BTBD8: variants seen among roughly 807,000 people sequenced by gnomAD.
BTBD8 encodes BTB/POZ domain-containing protein 8.
A neutral mutation model predicts 162.9 loss-of-function variants in BTBD8; 110 were observed. The ratio of observed to expected loss-of-function variants is 0.68; its 90% confidence interval spans 0.58 to 0.79. The LOEUF is 0.79. Ranked by LOEUF, BTBD8 falls within the 30% of genes least tolerant of loss-of-function variation. BTBD8 has a pLI of 0.00. For synonymous variants in BTBD8, 667 were observed against 716.1 expected (o/e 0.93, Z 1.10); for missense variants, 1,905 against 2,085.4 (o/e 0.91, Z 1.68).
intron 16 of BTBD8, among the ~76,000 whole-genome samples, chr1:92,178,860 C>T (rs1468926756): frequency 6.6e-6 from 1 of 152,220 alleles, no homozygotes; most frequent in South Asian, 2.1e-4. Flanking sequence ...CATTTCTGGT[C>T]CTTTTAAATA....
chr1:92,141,254 A>G, intron 7 of BTBD8, 43 bp downstream of exon 7: 2 of 1,530,846 alleles, frequency 1.3e-6, no homozygotes, highest in Non-Finnish European at 1.8e-6. Flanking sequence ...GTGCATTGTC[A>G]CCCATTATTA....
intron 6 of BTBD8, 168 bp downstream of exon 6, chr1:92,139,598 T>G (rs1649718980): frequency 2.4e-6 from 3 of 1,253,710 alleles, no homozygotes; most frequent in Non-Finnish European, 3.0e-6. Flanking sequence ...ATCATCTTAT[T>G]TAGAAGAAAA....
chr1:92,178,203 A>G, intron 15 of BTBD8, 109 bp from the exon 16 acceptor site: 2 of 821,418 alleles, frequency 2.4e-6, no homozygotes, highest in Non-Finnish European at 3.8e-6. Flanking sequence ...TATTTTCAGG[A>G]GAGATGTATT....
In BTBD8 at chr1:92,080,380, C is replaced by T; in HGVS notation, c.-192C>T. 2 of 752,900 alleles carry T rather than the reference C, an allele frequency of 2.7e-6. No individual in the cohort carries two copies. Among genetic ancestry groups the T allele is most frequent in the Non-Finnish European group, 4.1e-6 (2 of 489,784 alleles). The allele number at this position is 752,900 out of a possible 1,614,324, so 46.6% of individuals were successfully genotyped here. On this transcript the variant is annotated 5_prime_UTR_variant, in exon 1 of 18. Transcript: ENST00000636805. Reference sequence around the variant, plus strand: ...CAAGAGCCGGCTCGGTTCTGGGATTCTGAGGCTCCCCACCGCGGTCCGGCT... The same window carrying T: ...CAAGAGCCGGCTCGGTTCTGGGATTTTGAGGCTCCCCACCGCGGTCCGGCT...
Position 92,180,509 on chromosome 1 carries a change from T to G in BTBD8, c.2826T>G (p.Pro942=). The G allele has an allele frequency of 1.3e-6, 2 of 1,551,430 alleles. No individual in the cohort carries two copies. Among genetic ancestry groups the G allele is most frequent in the Non-Finnish European group, 1.7e-6 (2 of 1,146,902 alleles). The part of the protein sequence containing the change: ...LNNKDSKQKM[P]PGQVISKTQP... ...ATAAAGATTCAAAACAGAAAATGCC[T>G]CCTGGACAGGTTATATCAAAAACTC... Residue 942 remains proline, a synonymous_variant, in exon 17 of 18, where the codon CCT becomes CCG. Coordinates refer to ENST00000636805, the MANE Select transcript of BTBD8 (RefSeq NM_001376131.1).
intron 9 of BTBD8, among the ~76,000 whole-genome samples, chr1:92,164,128 G>A (rs905954126): frequency 6.6e-5 from 10 of 152,190 alleles, no homozygotes; most frequent in African/African-American, 2.4e-4. Flanking sequence ...AAAATTAGAC[G>A]AATTATAGCA....
chr1:92,171,404 T>C lies in BTBD8; in HGVS notation c.1579T>C (p.Phe527Leu). Residue 527 changes from phenylalanine to leucine, a missense_variant, in exon 13 of 18, where the codon TTT becomes CTT. Physicochemically the swap from Phe to Leu is conservative, Grantham distance 22. This residue lies in a region of BTBD8 where 1,374 missense variants were observed against 1,442.7 expected (regional missense o/e 0.95). Transcript: ENST00000636805. ...DDQQKIQAAA[F>L]DKGDDRRLGK... ...ATTGCTGTTTCTTTCTACAGCTGCA[T>C]TTGACAAAGGTGATGATCGAAGACT... The C allele has an allele frequency of 6.5e-7, 1 of 1,539,630 alleles. No homozygotes were observed. The highest frequency in any genetic ancestry group is 1.2e-5 in the South Asian group (1 of 81,524).
chr1:92,168,334 T>TA (rs201560873), intron 11 of BTBD8, among the ~76,000 whole-genome samples: 870 of 15,882 alleles, frequency 0.055, 11 homozygotes, highest in African/African-American at 0.3. Context: ...ATTTTAGATA[T>TA]AAATGTATAT....
chr1:92,119,900 T>C lies in BTBD8; in HGVS notation c.663-9787T>C, dbSNP rs1293171217. 7.3e-3 allele frequency among the ~76,000 whole-genome samples: 911 copies of C among 124,564 alleles called. 2 individuals carry two copies. The highest frequency in any genetic ancestry group is 7.9e-3 in the Non-Finnish European group (490 of 62,316). The allele number at this position is 124,564 out of a possible 152,430, so 81.7% of individuals were successfully genotyped here. A position where few individuals can be genotyped will look rare whatever the true frequency, so the allele number is the denominator to read the frequency against. ...ACTGCACCCGGCCCTTTTCTTTTTT[T>C]TTTTTTTTTTTTTTTTTTGAGACGG... On this transcript the variant is annotated intron_variant, in intron 4 of 17. Coordinates refer to ENST00000636805, the MANE Select transcript of BTBD8 (RefSeq NM_001376131.1).
intron 2 of BTBD8, among the ~76,000 whole-genome samples, chr1:92,098,837 A>G (rs1267007622): frequency 6.6e-6 from 1 of 152,186 alleles, no homozygotes; most frequent in African/African-American, 2.4e-5. Flanking sequence ...CTCTTATCAG[A>G]CATGATTTGC....
intron 4 of BTBD8, among the ~76,000 whole-genome samples, chr1:92,124,159 C>T (rs1649288623): frequency 6.6e-6 from 1 of 152,230 alleles, no homozygotes; most frequent in African/African-American, 2.4e-5. Context: ...GAAAAAGTTA[C>T]CTCAAATACT....
chr1:92,183,276 A>G (rs1241925194), intron 17 of BTBD8, among the ~76,000 whole-genome samples: 1 of 152,182 alleles, frequency 6.6e-6, no homozygotes, highest in East Asian at 1.9e-4. Context: ...CACATTTAAA[A>G]TATGCAATAG....
chr1:92,110,513 G>A (rs2101909813), intron 4 of BTBD8, among the ~76,000 whole-genome samples: 1 of 152,224 alleles, frequency 6.6e-6, no homozygotes, highest in Non-Finnish European at 1.5e-5. Context: ...ATTGTATCCT[G>A]GGATGCTACT....
At chr1:92,154,102 C>T (rs1238221944) in intron 9 of BTBD8, among the ~76,000 whole-genome samples, 1 of 152,132 alleles carries the variant, frequency 6.6e-6, no homozygotes, top group Admixed American at 6.5e-5. Flanking sequence ...CCCTCTCTCA[C>T]CATGTGATGT....
At chr1:92,120,018 A>G (rs921092069) in intron 4 of BTBD8, among the ~76,000 whole-genome samples, 4 of 144,316 alleles carry the variant, frequency 2.8e-5, no homozygotes, top group African/African-American at 1.0e-4. Flanking sequence ...CGCCTGCCTC[A>G]GCCTCTCGAG....
chr1:92,089,661 A>G (rs1245325958), intron 2 of BTBD8, among the ~76,000 whole-genome samples: 1 of 152,100 alleles, frequency 6.6e-6, no homozygotes, highest in Non-Finnish European at 1.5e-5. Flanking sequence ...AAAGAGATAA[A>G]CAAACTTTCT....
chr1:92,139,782 G>GA (rs998676209), intron 6 of BTBD8: 4 of 198,104 alleles, frequency 2.0e-5, no homozygotes, highest in Admixed American at 6.5e-5. Context: ...CAAAAGAAAA[G>GA]AAAAAACATA....
chr1:92,125,804 G>A lies in BTBD8; in HGVS notation c.663-3883G>A, dbSNP rs185236798. 1.4e-3 allele frequency: 574 copies of A among 407,034 alleles called. 2 individuals are homozygous for A. The highest frequency in any genetic ancestry group is 0.011 in the African/African-American group (536 of 48,212). The allele number at this position is 407,034 out of a possible 1,614,324, so 25.2% of individuals were successfully genotyped here. ...TATTTCCATGTCTCCTTTATCACTGGAGAGAGACAGTGATTCTGCAAGGTG... is the reference window on the plus strand; with the variant it reads ...TATTTCCATGTCTCCTTTATCACTGAAGAGAGACAGTGATTCTGCAAGGTG... On this transcript the variant is annotated intron_variant, in intron 4 of 17. Coordinates refer to ENST00000636805, the MANE Select transcript of BTBD8 (RefSeq NM_001376131.1).
chr1:92,167,323 A>C (rs1331707083), intron 10 of BTBD8, among the ~76,000 whole-genome samples, 183 bp downstream of exon 10: 2 of 152,226 alleles, frequency 1.3e-5, no homozygotes, highest in African/African-American at 4.8e-5. Flanking sequence ...GGCTCACAAG[A>C]TGAGAAAGGC....
Sources: allele counts gnomAD v4.1 joint callset (sites outside exome capture counted in the v4.1 genomes callset), GRCh38; gene constraint gnomAD v4.1.1; regional missense constraint gnomAD v4.1.1; transcripts MANE v1.5; gene names NCBI Gene and HGNC (gene_info 2026-07-23, HGNC 2026-07-21).